The following DNM2 variants were observed in gnomAD, a reference collection of about 807,000 sequenced individuals.
DNM2 encodes the protein dynamin-2.
Under a neutral mutation model 99.0 loss-of-function variants are expected in DNM2, and 15 were observed. The observed-to-expected ratio is 0.15, with a 90% CI of 0.10 to 0.23. The LOEUF (loss-of-function observed/expected upper bound fraction) is 0.23. DNM2 is among the 10% of genes least tolerant of loss of function. DNM2 has a pLI of 1.00. For synonymous variants in DNM2, 525 were observed against 481.2 expected (o/e 1.09, Z -1.19); for missense variants, 742 against 1,189.4 (o/e 0.62, Z 5.53).
Position 10,829,014 on chromosome 19 carries a change from C to G in DNM2, c.2059-22C>G, listed in dbSNP as rs762209114. 2.5e-6 allele frequency: 4 copies of G among 1,607,978 alleles called. No individual in the cohort carries two copies. In the South Asian group the frequency reaches 4.4e-5, roughly 18 times the overall value. ...GGTTGGGGTGATACACAAGCCTGAC[C>G]CTCCCCAACCCCTGCCCGCAGACGA... is the stretch of plus-strand genomic sequence containing the variant. On this transcript the variant is annotated intron_variant, in intron 18 of 20. Transcript: ENST00000389253.
intron 1 of DNM2, among the ~76,000 whole-genome samples, chr19:10,755,726 C>T (rs1324621703): frequency 2.0e-5 from 3 of 151,754 alleles, no homozygotes; most frequent in South Asian, 2.1e-4. Context: ...TGCAGTGATG[C>T]GATCTCGGCT....
chr19:10,772,466 C>T lies in DNM2; in HGVS notation c.236-13C>T. The stretch of plus-strand genomic sequence containing the variant: ...GCTCTTTCTCATTTTCAGCATCTCT[C>T]TTCCCTTTCTAGAACATGCCGAGTT... On this transcript the variant is annotated splice_polypyrimidine_tract_variant and intron_variant, in intron 2 of 20. Coordinates refer to ENST00000389253, the MANE Select transcript of DNM2 (RefSeq NM_001005361.3). The surrounding 1 kb of genome is among the most constrained non-coding windows in gnomAD (Gnocchi z 4.9). 1 of 1,613,914 alleles carries T rather than the reference C, an allele frequency of 6.2e-7. No homozygotes were observed. The highest frequency in any genetic ancestry group is 2.2e-5 in the East Asian group (1 of 44,884).
intron 2 of DNM2, among the ~76,000 whole-genome samples, chr19:10,761,223 G>A (rs545360600): frequency 3.3e-5 from 5 of 152,020 alleles, no homozygotes; most frequent in South Asian, 2.1e-4. Context: ...TCTTGACCTC[G>A]TGATCCGCCC....
At chr19:10,793,674 T>G in intron 7 of DNM2, 46 bp from the exon 8 acceptor site, 1 of 1,614,128 alleles carries the variant, frequency 6.2e-7, no homozygotes, top group Non-Finnish European at 8.5e-7. Context: ...TCCAGAGTAG[T>G]GTGGAAACCT....
chr19:10,746,253 G>A (rs1024188771), intron 1 of DNM2, among the ~76,000 whole-genome samples: 1 of 151,766 alleles, frequency 6.6e-6, no homozygotes, highest in Non-Finnish European at 1.5e-5. Flanking sequence ...GAGCTACCAC[G>A]CCCGGCCTTT....
At chr19:10,826,604 G>A (rs1218562542) in intron 18 of DNM2, among the ~76,000 whole-genome samples, 1 of 152,156 alleles carries the variant, frequency 6.6e-6, no homozygotes, top group Non-Finnish European at 1.5e-5. Context: ...ACCAGCTTTG[G>A]GGCCGGAGCA....
intron 15 of DNM2, among the ~76,000 whole-genome samples, chr19:10,819,443 G>A (rs571035041): frequency 6.6e-6 from 1 of 152,252 alleles, no homozygotes; most frequent in Admixed American, 6.5e-5. Context: ...TTCAAAGATG[G>A]AGCCCAGATA....
intron 1 of DNM2, among the ~76,000 whole-genome samples, chr19:10,753,270 G>T (rs2070262873): frequency 6.6e-6 from 1 of 152,144 alleles, no homozygotes; most frequent in African/African-American, 2.4e-5. Flanking sequence ...AAAGATGTCG[G>T]AAAACATGCA....
intron 2 of DNM2, among the ~76,000 whole-genome samples, chr19:10,768,110 T>A (rs1034117957): frequency 1.3e-5 from 2 of 151,968 alleles, no homozygotes; most frequent in African/African-American, 4.8e-5. Context: ...TTCGCCCACA[T>A]GGAGGGGTTG....
At chr19:10,753,992 T>C (rs1048651878) in intron 1 of DNM2, among the ~76,000 whole-genome samples, 8 of 152,142 alleles carry the variant, frequency 5.3e-5, no homozygotes, top group Admixed American at 5.2e-4. Flanking sequence ...AAAATATATG[T>C]TTTCAAAAAG....
intron 1 of DNM2, among the ~76,000 whole-genome samples, chr19:10,750,450 G>A (rs936197510): frequency 6.6e-6 from 1 of 151,962 alleles, no homozygotes; most frequent in African/African-American, 2.4e-5. Flanking sequence ...CTGCACTCCA[G>A]ACTGGGCAAT....
intron 2 of DNM2, among the ~76,000 whole-genome samples, chr19:10,763,901 G>T (rs979849419): frequency 6.6e-6 from 1 of 152,140 alleles, no homozygotes; most frequent in Admixed American, 6.5e-5. Flanking sequence ...CTGGCATGGC[G>T]CCAGGCAAGA....
In DNM2 at chr19:10,831,196, G is replaced by A. The variant is rs577028326; in HGVS notation, c.*149G>A. On this transcript the variant is annotated 3_prime_UTR_variant, in exon 21 of 21. Transcript: ENST00000389253. This position sits in a 1 kb window ranked among gnomAD's most constrained non-coding sequence, Gnocchi z 4.3. ...TCCTTAACGCTGGCCCCGGTCCAGGGCCGGCCCCTGTGCCTGGCTGGACAC... is the reference window on the plus strand; with the variant it reads ...TCCTTAACGCTGGCCCCGGTCCAGGACCGGCCCCTGTGCCTGGCTGGACAC... The A allele has an allele frequency of 1.9e-4, 265 of 1,400,806 alleles. 2 individuals carry two copies. The South Asian group carries it at 4.0e-3, about 21-fold the overall frequency. The allele number at this position is 1,400,806 out of a possible 1,614,324, so 86.8% of individuals were successfully genotyped here. A position where few individuals can be genotyped will look rare whatever the true frequency, so the allele number is the denominator to read the frequency against.
At chr19:10,824,118 G>C in intron 17 of DNM2, 1 of 577,690 alleles carries the variant, frequency 1.7e-6, no homozygotes, top group Non-Finnish European at 3.1e-6. Context: ...GGGGCACACA[G>C]GGGATGGGGT....
At chr19:10,792,053 G>A (rs1483748499) in intron 7 of DNM2, among the ~76,000 whole-genome samples, 2 of 152,072 alleles carry the variant, frequency 1.3e-5, no homozygotes, top group African/African-American at 2.4e-5. Context: ...GTCCCATTGC[G>A]CTCCAGCTTG....
intron 18 of DNM2, among the ~76,000 whole-genome samples, chr19:10,827,121 C>G (rs1489526908): frequency 6.6e-6 from 1 of 152,140 alleles, no homozygotes; most frequent in Non-Finnish European, 1.5e-5. Flanking sequence ...GTGCCATGCC[C>G]TCCCACCCTG....
chr19:10,735,591 G>A (rs775823068), intron 1 of DNM2, among the ~76,000 whole-genome samples: 3 of 151,880 alleles, frequency 2.0e-5, no homozygotes, highest in African/African-American at 7.3e-5. Context: ...TTGGCTCACT[G>A]CGACCTCCGC....
intron 1 of DNM2, among the ~76,000 whole-genome samples, chr19:10,756,795 TCCA>T (rs1344111376): frequency 6.6e-6 from 1 of 151,972 alleles, no homozygotes; most frequent in Non-Finnish European, 1.5e-5. Flanking sequence ...GTTGTGACCA[TCCA>T]CCTCCCAAAC....
Position 10,718,320 on chromosome 19 carries a change from C to A in DNM2, c.78C>A (p.Ser26Arg). The change falls in exon 1 of 21, where the codon AGC becomes AGA. Residue 26 changes from serine (S) to arginine (R), a missense_variant. By Grantham distance (110) the Ser-to-Arg change is moderately radical (BLOSUM62 -1). Coordinates refer to ENST00000389253, the MANE Select transcript of DNM2 (RefSeq NM_001005361.3). ...ACGCCTTCAGCTCCATCGGCCAGAG[C>A]TGCCACCTGGACCTGCCGCAGATCG... ...LQDAFSSIGQSCHLDLPQIAV... is the reference protein window; with the variant it reads ...LQDAFSSIGQRCHLDLPQIAV... 1 of 1,515,220 alleles carries A rather than the reference C, an allele frequency of 6.6e-7. No homozygotes were observed. The allele number at this position is 1,515,220 out of a possible 1,614,324, so 93.9% of individuals were successfully genotyped here.
Sources: allele counts gnomAD v4.1 joint callset (sites outside exome capture counted in the v4.1 genomes callset), GRCh38; gene constraint gnomAD v4.1.1; non-coding constraint Gnocchi (gnomAD v3.1); transcripts MANE v1.5; gene names NCBI Gene and HGNC (gene_info 2026-07-23, HGNC 2026-07-21).